The following DOK6 variants were observed in gnomAD, a reference collection of about 807,000 sequenced individuals.
DOK6 encodes the protein downstream of tyrosine kinase 6.
Under a neutral mutation model 44.0 loss-of-function variants are expected in DOK6, and 22 were observed. The observed-to-expected ratio is 0.50, with a 90% CI of 0.36 to 0.71. DOK6 has a LOEUF of 0.71. DOK6 is among the 30% of genes least tolerant of loss of function. The pLI is 0.00. For missense variants in DOK6, 340 were observed against 416.4 expected, an observed-to-expected ratio of 0.82 and a Z score of 1.60; for synonymous variants, 166 against 145.5, an observed-to-expected ratio of 1.14 and a Z score of -1.01.
At chr18:69,779,188 C>T (rs73970265) in intron 7 of DOK6, among the ~76,000 whole-genome samples, 2,761 of 152,164 alleles carry the variant, frequency 0.018, 83 homozygotes, top group African/African-American at 0.063. Flanking sequence ...ATCTGTTGCC[C>T]AGGACTTAAC....
intron 3 of DOK6, among the ~76,000 whole-genome samples, chr18:69,614,207 A>T (rs1026158292): frequency 2.0e-5 from 3 of 152,060 alleles, no homozygotes; most frequent in South Asian, 2.1e-4. Context: ...TTTTCTAAGA[A>T]TTTTTTTCCA....
intron 1 of DOK6, among the ~76,000 whole-genome samples, chr18:69,461,348 C>T (rs1057030436): frequency 6.6e-6 from 1 of 152,074 alleles, no homozygotes; most frequent in East Asian, 1.9e-4. Flanking sequence ...AGTTTCTGAC[C>T]TGCCATATTC....
intron 1 of DOK6, among the ~76,000 whole-genome samples, chr18:69,512,463 C>G (rs1190688025): frequency 6.6e-6 from 1 of 151,588 alleles, no homozygotes; most frequent in Non-Finnish European, 1.5e-5. Flanking sequence ...CCTACCTCAG[C>G]CTCCTGAATA....
intron 1 of DOK6, among the ~76,000 whole-genome samples, chr18:69,460,125 A>G (rs1241195219): frequency 6.6e-6 from 1 of 152,204 alleles, no homozygotes; most frequent in Admixed American, 6.5e-5. Flanking sequence ...TTCTGGCACA[A>G]TATATAAGGG....
intron 1 of DOK6, among the ~76,000 whole-genome samples, chr18:69,529,450 G>A (rs1002760178): frequency 3.9e-5 from 6 of 152,070 alleles, no homozygotes; most frequent in South Asian, 4.1e-4. Context: ...TGCAACCTCC[G>A]CAATCTTTAT....
intron 7 of DOK6, among the ~76,000 whole-genome samples, chr18:69,815,109 G>T (rs7236173): frequency 0.54 from 82,059 of 151,848 alleles, 23,685 homozygotes; most frequent in South Asian, 0.65. Context: ...GTAGATCAGG[G>T]GAGTCAACAC....
chr18:69,667,311 T>C (rs1985684963), intron 3 of DOK6, among the ~76,000 whole-genome samples: 2 of 152,266 alleles, frequency 1.3e-5, no homozygotes, highest in Non-Finnish European at 2.9e-5. Context: ...TAAAAAAAAT[T>C]ACAAAATAAA....
At chr18:69,496,154 T>C (rs182717389) in intron 1 of DOK6, among the ~76,000 whole-genome samples, 395 of 152,274 alleles carry the variant, frequency 2.6e-3, no homozygotes, top group African/African-American at 8.9e-3. Context: ...GAGGGCAGGT[T>C]TCCTGCCTGC....
At chr18:69,442,449 G>C (rs1979162100) in intron 1 of DOK6, among the ~76,000 whole-genome samples, 1 of 152,082 alleles carries the variant, frequency 6.6e-6, no homozygotes, top group Non-Finnish European at 1.5e-5. Flanking sequence ...GAAATGCAGA[G>C]CAAAGGGGAA....
At chr18:69,594,621 G>A (rs1434236129) in intron 2 of DOK6, among the ~76,000 whole-genome samples, 2 of 151,282 alleles carry the variant, frequency 1.3e-5, no homozygotes, top group Admixed American at 1.3e-4. Context: ...GAAATAAAAG[G>A]CATCCAGATT....
chr18:69,843,843 A>G lies in DOK6; in HGVS notation c.*2460A>G, dbSNP rs1982289992. The G allele has an allele frequency of 6.6e-6, 1 of 152,218 alleles. No individual in the cohort carries two copies. The highest frequency in any genetic ancestry group is 6.5e-5 in the Admixed American group (1 of 15,282). The allele number at this position is 152,218 out of a possible 1,614,324, so 9.4% of individuals were successfully genotyped here. On this transcript the variant is annotated 3_prime_UTR_variant, in exon 8 of 8. Transcript: ENST00000382713. ...TGAGGAGAATGCTATAATCTATCTC[A>G]TGGTACATTTTTGGAGCTTAATTCT...
At chr18:69,606,768 T>G (rs879391864) in intron 3 of DOK6, among the ~76,000 whole-genome samples, 4,073 of 148,244 alleles carry the variant, frequency 0.027, 116 homozygotes, top group East Asian at 0.15. Context: ...TTTTTTTTTT[T>G]TTTTTTTTTG....
chr18:69,722,095 T>A lies in DOK6; in HGVS notation c.600-16870T>A, dbSNP rs547750227. Among the ~76,000 whole-genome samples the A allele has an allele frequency of 4.4e-4, 67 of 152,332 alleles. No individual in the cohort carries two copies. The South Asian group carries it at 0.013, about 30-fold the overall frequency. On this transcript the variant is annotated intron_variant, in intron 5 of 7. Transcript: ENST00000382713. ...ATTTCCAACCTCTTTTCAATGGAAA[T>A]CTTAATTCCATATTATAAAATGAAA...
chr18:69,477,855 C>T (rs1055729573), intron 1 of DOK6, among the ~76,000 whole-genome samples: 1 of 152,180 alleles, frequency 6.6e-6, no homozygotes, highest in Non-Finnish European at 1.5e-5. Context: ...CTTCCTCCTA[C>T]ATTTGGTTTA....
chr18:69,428,062 G>A (rs1978693800), intron 1 of DOK6, among the ~76,000 whole-genome samples: 1 of 152,158 alleles, frequency 6.6e-6, no homozygotes, highest in African/African-American at 2.4e-5. Flanking sequence ...ACAGGCGTGA[G>A]CCATCCGGCC....
At chr18:69,694,248 G>A (rs1394537360) in intron 4 of DOK6, among the ~76,000 whole-genome samples, 5 of 151,188 alleles carry the variant, frequency 3.3e-5, no homozygotes, top group Non-Finnish European at 1.5e-5. Context: ...TATTCAATTC[G>A]TCTAAGCCTT....
intron 7 of DOK6, among the ~76,000 whole-genome samples, chr18:69,826,465 G>A (rs1365525884): frequency 6.6e-6 from 1 of 152,060 alleles, no homozygotes; most frequent in Non-Finnish European, 1.5e-5. Context: ...CTAATAAGGG[G>A]TTAAGATGAC....
chr18:69,598,514 T>C (rs888159170), intron 2 of DOK6, among the ~76,000 whole-genome samples: 1 of 152,122 alleles, frequency 6.6e-6, no homozygotes, highest in Admixed American at 6.6e-5. Context: ...TCCTGTCTTC[T>C]TTCTGTTAAC....
At chr18:69,613,721 G>A (rs1198005199) in intron 3 of DOK6, among the ~76,000 whole-genome samples, 2 of 151,814 alleles carry the variant, frequency 1.3e-5, no homozygotes, top group South Asian at 2.1e-4. Flanking sequence ...ATCTTCAAAT[G>A]ATTTTGGACA....
Sources: gnomAD v4.1 joint callset for allele counts (sites outside exome capture counted in the v4.1 genomes callset) on GRCh38, gnomAD v4.1.1 for gene constraint, MANE v1.5 for transcripts, NCBI Gene and HGNC (gene_info 2026-07-23, HGNC 2026-07-21) for gene names.